The following AKAP13 variants were observed in gnomAD, a reference collection of about 807,000 sequenced individuals.
AKAP13 encodes A-kinase anchoring protein 13, also known as A-kinase anchor protein 13.
AKAP13 carries 80 observed loss-of-function variants against 264.5 expected under a neutral mutation model. The ratio of observed to expected loss-of-function variants is 0.30; its 90% CI spans 0.25 to 0.36. The LOEUF is 0.36. Ranked by LOEUF, AKAP13 falls within the 10% of genes least tolerant of loss-of-function variation. The probability of loss-of-function intolerance (pLI) is 1.00; values close to 1 mark genes in which losing one functional copy is unlikely to be tolerated. For missense variants in AKAP13, 3,712 were observed against 3,435.2 expected, an observed-to-expected ratio of 1.08 and a Z score of -2.01; for synonymous variants, 1,380 against 1,250.2, an observed-to-expected ratio of 1.10 and a Z score of -2.19.
chr15:85,456,614 A>G (rs1423759106), intron 1 of AKAP13, among the ~76,000 whole-genome samples: 8 of 149,204 alleles, frequency 5.4e-5, no homozygotes, highest in African/African-American at 1.5e-4. Flanking sequence ...CAGTGGCGCA[A>G]TCTTGGCTCA....
At chr15:85,437,787 C>T (rs1186127418) in intron 1 of AKAP13, among the ~76,000 whole-genome samples, 1 of 152,162 alleles carries the variant, frequency 6.6e-6, no homozygotes, top group South Asian at 2.1e-4. Flanking sequence ...TAAAAACTCT[C>T]AATAAATTAG....
intron 19 of AKAP13, among the ~76,000 whole-genome samples, chr15:85,714,369 A>G (rs2086796296): frequency 1.3e-5 from 2 of 152,228 alleles, no homozygotes; most frequent in South Asian, 2.1e-4. Flanking sequence ...AATTCCACAT[A>G]TAAGGGGATC....
intron 2 of AKAP13, chr15:85,520,583 T>C: frequency 3.9e-6 from 2 of 506,468 alleles, no homozygotes; most frequent in South Asian, 2.9e-5. Flanking sequence ...ACAAAGTTAT[T>C]GGCTCAAGAT....
intron 6 of AKAP13, among the ~76,000 whole-genome samples, chr15:85,576,068 G>C (rs562575168): frequency 6.5e-4 from 99 of 152,214 alleles, no homozygotes; most frequent in Non-Finnish European, 1.3e-3. Flanking sequence ...ACCACTTACA[G>C]ATCAGAGCTA....
intron 1 of AKAP13, among the ~76,000 whole-genome samples, chr15:85,471,729 T>C (rs2074968516): frequency 6.6e-6 from 1 of 152,218 alleles, no homozygotes; most frequent in Non-Finnish European, 1.5e-5. Context: ...GTGTCACTAC[T>C]TTTGCCTTTT....
intron 1 of AKAP13, among the ~76,000 whole-genome samples, chr15:85,399,519 A>AAAAAAAAAAAAAAT (rs2071303352): frequency 8.0e-6 from 1 of 124,578 alleles, no homozygotes; most frequent in African/African-American, 3.3e-5. Context: ...AAAAAAAAAA[A>AAAAAAAAAAAAAAT]AAATAAAAAA....
At position 85,736,124 on chromosome 15, in the gene AKAP13, G is replaced by C; in HGVS notation, c.7547G>C (p.Arg2516Thr). The C allele has an allele frequency of 1.2e-6, 2 of 1,604,442 alleles. No homozygotes were observed. Among genetic ancestry groups the C allele is most frequent in the Non-Finnish European group, 1.7e-6 (2 of 1,171,564 alleles). ...GCTAACCTGGTATTTATGCTTAAAAGAAACAGTGAGGTAAGGACATTATGA... is the reference window on the plus strand; with the variant it reads ...GCTAACCTGGTATTTATGCTTAAAACAAACAGTGAGGTAAGGACATTATGA... ...GNANLVFMLK[R>T]NSEQVVQSVV... Residue 2516 changes from arginine (R) to threonine (T), a missense_variant, in exon 33 of 37, where the codon AGA becomes ACA. Physicochemically the swap from Arg to Thr is moderately conservative, Grantham distance 71. Transcript: ENST00000394518.
chr15:85,424,237 C>G (rs1259778417), intron 1 of AKAP13, among the ~76,000 whole-genome samples: 1 of 152,192 alleles, frequency 6.6e-6, no homozygotes, highest in East Asian at 1.9e-4. Flanking sequence ...TGTCTTCTTC[C>G]AGTATAAGGC....
chr15:85,483,855 AT>A (rs990830432), intron 1 of AKAP13, among the ~76,000 whole-genome samples: 17 of 151,924 alleles, frequency 1.1e-4, no homozygotes, highest in African/African-American at 2.2e-4. Flanking sequence ...TTTTTTTGCA[AT>A]TTTTTTTAAA....
At position 85,735,117 on chromosome 15, in the gene AKAP13, G is replaced by C. The variant is rs2088343816; in HGVS notation, c.7408G>C (p.Gly2470Arg). 1 of 1,614,142 alleles carries C rather than the reference G, an allele frequency of 6.2e-7. No homozygotes were observed. The highest frequency in any genetic ancestry group is 2.2e-5 in the East Asian group (1 of 44,880). Residue 2470 changes from glycine to arginine, a missense_variant, in exon 31 of 37, where the codon GGA becomes CGA. Gly to Arg is a moderately radical substitution (Grantham distance 125, BLOSUM62 -2). Around this residue, in one of 3 missense-constraint regions of AKAP13, gnomAD observed 611 missense variants for 539.3 expected, o/e 1.13. Transcript: ENST00000394518. Reference protein sequence around the residue: ...SLPRRAETFGGFDSHQMNASK... With the variant: ...SLPRRAETFGRFDSHQMNASK... Reference sequence around the variant, plus strand: ...GCCCCGGAGAGCAGAGACCTTTGGAGGATTTGACAGCCATCAGATGAATGC... The same window carrying C: ...GCCCCGGAGAGCAGAGACCTTTGGACGATTTGACAGCCATCAGATGAATGC...
chr15:85,582,929 A>C (rs1338754158), intron 7 of AKAP13: 2 of 985,304 alleles, frequency 2.0e-6, no homozygotes, highest in Non-Finnish European at 2.4e-6. Flanking sequence ...AGCCTGTTCC[A>C]TCTGTGGGTA....
intron 12 of AKAP13, among the ~76,000 whole-genome samples, chr15:85,661,422 TA>T (rs1432339428): frequency 2.0e-5 from 3 of 152,150 alleles, no homozygotes. Flanking sequence ...TCCTTTTTTT[TA>T]AATTTTTATT....
chr15:85,605,613 A>C (rs2080289967), intron 8 of AKAP13, among the ~76,000 whole-genome samples: 1 of 152,210 alleles, frequency 6.6e-6, no homozygotes, highest in African/African-American at 2.4e-5. Flanking sequence ...CGAGTCATGC[A>C]CATGTAGCCC....
chr15:85,655,805 T>G lies in AKAP13; in HGVS notation c.4745+18T>G. On this transcript the variant is annotated intron_variant, in intron 11 of 36. Coordinates refer to ENST00000394518, the MANE Select transcript of AKAP13 (RefSeq NM_007200.5). ...CACCGGAGGTGAGATGGGAGGCGGT[T>G]TGTTTAGTGTCTCAGTGTCTGCTTG... 1.3e-6 allele frequency: 2 copies of G among 1,594,488 alleles called. No homozygotes were observed. Among genetic ancestry groups the G allele is most frequent in the Non-Finnish European group, 1.7e-6 (2 of 1,167,788 alleles).
intron 1 of AKAP13, among the ~76,000 whole-genome samples, chr15:85,399,636 A>G (rs536060680): frequency 6.6e-6 from 1 of 151,964 alleles, no homozygotes; most frequent in East Asian, 1.9e-4. Context: ...AGAACTCTGT[A>G]TTTCTAAAAG....
intron 8 of AKAP13, chr15:85,619,405 C>T (rs1243842927): frequency 9.1e-6 from 9 of 985,152 alleles, no homozygotes; most frequent in Non-Finnish European, 1.1e-5. Context: ...TTCCCTTTTA[C>T]TCTGCTGTCC....
At chr15:85,741,534 A>G in intron 35 of AKAP13, 39 bp downstream of exon 35, 1 of 1,528,320 alleles carries the variant, frequency 6.5e-7, no homozygotes, top group Non-Finnish European at 8.8e-7. Context: ...TAATGATGAT[A>G]TTAATTAAGA....
At chr15:85,667,648 T>C (rs1179033510) in intron 13 of AKAP13, among the ~76,000 whole-genome samples, 1 of 152,218 alleles carries the variant, frequency 6.6e-6, no homozygotes, top group Non-Finnish European at 1.5e-5. Flanking sequence ...ACATATCCCT[T>C]CAGATTTAGC....
chr15:85,586,852 T>C (rs2079378825), intron 8 of AKAP13, among the ~76,000 whole-genome samples: 1 of 150,808 alleles, frequency 6.6e-6, no homozygotes, highest in African/African-American at 2.4e-5. Flanking sequence ...CATTTGAACC[T>C]GGGAGGCGGA....
Sources: allele counts gnomAD v4.1 joint callset (sites outside exome capture counted in the v4.1 genomes callset), GRCh38; gene constraint gnomAD v4.1.1; regional missense constraint gnomAD v4.1.1; transcripts MANE v1.5; gene names NCBI Gene and HGNC (gene_info 2026-07-23, HGNC 2026-07-21).